The following NRF1 variants were observed in gnomAD, a reference collection of about 807,000 sequenced individuals.
NRF1 encodes the protein nuclear respiratory factor 1.
A neutral mutation model predicts 58.5 loss-of-function variants in NRF1; 5 were observed. The ratio of observed to expected loss-of-function variants is 0.09; its 90% CI spans 0.04 to 0.18. The LOEUF is 0.18. Ranked by LOEUF, NRF1 falls within the 10% of genes least tolerant of loss-of-function variation. NRF1 has a pLI of 1.00. For synonymous variants in NRF1, 224 were observed against 246.7 expected (o/e 0.91, Z 0.86); for missense variants, 288 against 657.7 (o/e 0.44, Z 6.15).
At chr7:129,689,553 A>G (rs1251015116) in intron 4 of NRF1, among the ~76,000 whole-genome samples, 1 of 152,168 alleles carries the variant, frequency 6.6e-6, no homozygotes, top group African/African-American at 2.4e-5. Flanking sequence ...CCCAAGTTCC[A>G]GGCATTCAGA....
At chr7:129,692,908 T>C (rs1028080404) in intron 5 of NRF1, among the ~76,000 whole-genome samples, 2 of 152,202 alleles carry the variant, frequency 1.3e-5, no homozygotes, top group Non-Finnish European at 2.9e-5. Context: ...CAAGCCTTTC[T>C]TGATTATCCC....
At chr7:129,701,165 A>G (rs1802816256) in intron 5 of NRF1, among the ~76,000 whole-genome samples, 1 of 152,228 alleles carries the variant, frequency 6.6e-6, no homozygotes, top group East Asian at 1.9e-4. Flanking sequence ...AAAGATAATT[A>G]GAAAAATAAG....
intron 10 of NRF1, among the ~76,000 whole-genome samples, chr7:129,733,035 C>A (rs764541599): frequency 2.1e-5 from 3 of 141,152 alleles, no homozygotes; most frequent in Admixed American, 7.4e-5. Context: ...TGCACCATTG[C>A]ACTCCAGCCT....
chr7:129,658,255 A>T (rs1049681259), intron 2 of NRF1, among the ~76,000 whole-genome samples: 1 of 152,054 alleles, frequency 6.6e-6, no homozygotes, highest in African/African-American at 2.4e-5. Flanking sequence ...TTTTACTATT[A>T]TCAATACCTG....
chr7:129,641,218 G>A (rs946552128), intron 1 of NRF1, among the ~76,000 whole-genome samples: 1 of 152,046 alleles, frequency 6.6e-6, no homozygotes, highest in Non-Finnish European at 1.5e-5. Flanking sequence ...AGTTTTTGAT[G>A]TGAAAAATGA....
At chr7:129,635,352 A>G (rs572961294) in intron 1 of NRF1, among the ~76,000 whole-genome samples, 136 of 152,248 alleles carry the variant, frequency 8.9e-4, no homozygotes, top group Non-Finnish European at 1.7e-3. Flanking sequence ...AGAGCTTTTC[A>G]GCTTCTACTG....
chr7:129,691,918 C>G (rs759844710), intron 5 of NRF1, among the ~76,000 whole-genome samples: 4 of 152,128 alleles, frequency 2.6e-5, no homozygotes, highest in Non-Finnish European at 4.4e-5. Flanking sequence ...TGTTAGATGT[C>G]TGGTCCTCAC....
chr7:129,740,917 G>A (rs917047784), intron 10 of NRF1, among the ~76,000 whole-genome samples: 5 of 152,152 alleles, frequency 3.3e-5, no homozygotes, highest in African/African-American at 7.2e-5. Context: ...GCCAGTAGCT[G>A]TCATTCTTTA....
chr7:129,705,940 TGAGA>T (rs34931265), intron 5 of NRF1, among the ~76,000 whole-genome samples: 5 of 145,230 alleles, frequency 3.4e-5, no homozygotes, highest in Admixed American at 1.4e-4. Context: ...GATCCGAGAG[TGAGA>T]GAGAGAGAGA....
At chr7:129,612,073 C>G (rs1164031960) in intron 1 of NRF1, among the ~76,000 whole-genome samples, 1 of 150,232 alleles carries the variant, frequency 6.7e-6, no homozygotes, top group Non-Finnish European at 1.5e-5. Context: ...GAGGGAGGCG[C>G]TGCCCTCCCG....
At chr7:129,716,014 A>AC (rs201483989) in intron 8 of NRF1, among the ~76,000 whole-genome samples, 8,142 of 151,376 alleles carry the variant, frequency 0.054, 233 homozygotes, top group Middle Eastern at 0.13. Context: ...TCCAACAACA[A>AC]AAAAAAAAAA....
chr7:129,740,552 G>C (rs1036849202), intron 10 of NRF1, among the ~76,000 whole-genome samples: 4 of 152,132 alleles, frequency 2.6e-5, no homozygotes, highest in Admixed American at 2.6e-4. Context: ...AGAATTACCA[G>C]GCCTTTTCTG....
At chr7:129,692,113 A>C (rs1802583450) in intron 5 of NRF1, among the ~76,000 whole-genome samples, 1 of 152,036 alleles carries the variant, frequency 6.6e-6, no homozygotes, top group Non-Finnish European at 1.5e-5. Context: ...TCCCGGTGGC[A>C]GGTCATGTCA....
chr7:129,735,648 T>C (rs965820297), intron 10 of NRF1, among the ~76,000 whole-genome samples: 3 of 152,052 alleles, frequency 2.0e-5, no homozygotes, highest in African/African-American at 7.3e-5. Flanking sequence ...TCCCACGTTC[T>C]GGGCTGGTCC....
At chr7:129,715,843 A>C (rs915945351) in intron 8 of NRF1, among the ~76,000 whole-genome samples, 1 of 152,164 alleles carries the variant, frequency 6.6e-6, no homozygotes, top group East Asian at 1.9e-4. Flanking sequence ...CGTTTCTACT[A>C]AAAATACAAA....
chr7:129,658,752 T>G (rs75600777), intron 2 of NRF1, among the ~76,000 whole-genome samples: 2,400 of 152,292 alleles, frequency 0.016, 64 homozygotes, highest in African/African-American at 0.055. Context: ...TACAGTTGGC[T>G]CTCTTTATCT....
chr7:129,642,339 A>C (rs1031343362), intron 1 of NRF1, among the ~76,000 whole-genome samples: 1 of 152,198 alleles, frequency 6.6e-6, no homozygotes, highest in African/African-American at 2.4e-5. Flanking sequence ...TATTTATTGA[A>C]TACTAGTTAT....
chr7:129,733,413 T>G (rs1055557607), intron 10 of NRF1, among the ~76,000 whole-genome samples: 6 of 149,470 alleles, frequency 4.0e-5, no homozygotes, highest in Non-Finnish European at 8.9e-5. Context: ...TTTGCAGTGA[T>G]CCGAGATTGC....
intron 1 of NRF1, among the ~76,000 whole-genome samples, chr7:129,631,643 A>T (rs1282922726): frequency 6.6e-6 from 1 of 152,200 alleles, no homozygotes; most frequent in Non-Finnish European, 1.5e-5. Flanking sequence ...ATAGCATATT[A>T]TAAGATGATA....
Sources: gnomAD v4.1 joint callset for allele counts (sites outside exome capture counted in the v4.1 genomes callset) on GRCh38, gnomAD v4.1.1 for gene constraint, MANE v1.5 for transcripts, NCBI Gene and HGNC (gene_info 2026-07-23, HGNC 2026-07-21) for gene names.